ARMH4: variants seen among roughly 807,000 people sequenced by gnomAD.
The protein encoded by ARMH4 is armadillo like helical domain containing 4.
In ARMH4, 49 loss-of-function variants were observed where a neutral mutation model predicts 61.9. The ratio of observed to expected loss-of-function variants is 0.79; its 90% CI spans 0.63 to 1.00. The LOEUF (loss-of-function observed/expected upper bound fraction) is 1.00, where lower values mean the gene tolerates loss of function less well. Among genes scored for constraint, ARMH4 ranks in the 50% least tolerant of loss-of-function variants. The pLI is 0.00. For synonymous variants in ARMH4, 368 were observed against 341.5 expected (o/e 1.08, Z -0.85); for missense variants, 934 against 930.0 (o/e 1.00, Z -0.06).
chr14:58,098,444 C>T (rs774533844), intron 4 of ARMH4, among the ~76,000 whole-genome samples: 26 of 152,166 alleles, frequency 1.7e-4, no homozygotes, highest in Non-Finnish European at 3.4e-4. Context: ...CAAACAGATA[C>T]ACCAATAGGC....
intron 4 of ARMH4, among the ~76,000 whole-genome samples, chr14:58,124,083 G>T (rs561201758): frequency 6.6e-6 from 1 of 152,100 alleles, no homozygotes; most frequent in Non-Finnish European, 1.5e-5. Context: ...AGGGTTCCTT[G>T]GCATAACAGG....
intron 5 of ARMH4, among the ~76,000 whole-genome samples, chr14:58,015,987 C>G (rs1378542440): frequency 1.3e-5 from 2 of 151,390 alleles, no homozygotes; most frequent in African/African-American, 4.9e-5. Flanking sequence ...AGACAAACAT[C>G]ACAGTAATTA....
chr14:58,076,487 A>C (rs1486911176), intron 5 of ARMH4, among the ~76,000 whole-genome samples: 6 of 152,260 alleles, frequency 3.9e-5, no homozygotes, highest in African/African-American at 1.4e-4. Flanking sequence ...AATCAAAAGA[A>C]GAAAACAGAG....
intron 5 of ARMH4, among the ~76,000 whole-genome samples, chr14:58,064,131 C>A (rs178498): frequency 0.62 from 94,513 of 151,712 alleles, 31,125 homozygotes; most frequent in African/African-American, 0.84. Flanking sequence ...TTCCAACACA[C>A]GATTATCATA....
chr14:58,133,260 G>A lies in ARMH4; in HGVS notation c.1451C>T (p.Thr484Ile). Residue 484 changes from threonine (T) to isoleucine (I), a missense_variant, in exon 3 of 8, where the codon ACC (threonine) becomes ATC (isoleucine). Coordinates refer to ENST00000267485, the MANE Select transcript of ARMH4 (RefSeq NM_001001872.4). ...LSMVTQEQVATLELIRDSGKT... is the reference protein window; with the variant it reads ...LSMVTQEQVAILELIRDSGKT... ...GCCACTGTCTCTGATAAGCTCGAGG[G>A]TAGCAACCTGCTCTTGTGTCACCAT... 6.2e-7 allele frequency: 1 copy of A among 1,614,102 alleles called. No individual in the cohort carries two copies. The highest frequency in any genetic ancestry group is 1.7e-5 in the Admixed American group (1 of 59,996).
At chr14:58,067,566 T>A (rs1884744011) in intron 5 of ARMH4, among the ~76,000 whole-genome samples, 1 of 152,248 alleles carries the variant, frequency 6.6e-6, no homozygotes, top group Non-Finnish European at 1.5e-5. Context: ...TGCATCATTC[T>A]GTGGCTTCCA....
At chr14:58,133,917 G>A (rs1887215344) in intron 2 of ARMH4, among the ~76,000 whole-genome samples, 1 of 152,174 alleles carries the variant, frequency 6.6e-6, no homozygotes, top group South Asian at 2.1e-4. Flanking sequence ...TCATTCCACA[G>A]AAGCTGCATC....
At chr14:58,100,614 G>A (rs897351737) in intron 4 of ARMH4, among the ~76,000 whole-genome samples, 2 of 152,132 alleles carry the variant, frequency 1.3e-5, no homozygotes, top group African/African-American at 2.4e-5. Flanking sequence ...TGGAAATTTA[G>A]GTTATTAGGA....
At chr14:58,047,668 G>A (rs1407582796) in intron 5 of ARMH4, among the ~76,000 whole-genome samples, 5 of 152,180 alleles carry the variant, frequency 3.3e-5, no homozygotes, top group Non-Finnish European at 7.3e-5. Flanking sequence ...TTCAGATGAG[G>A]TAGTCACAAT....
At chr14:58,015,769 A>AG (rs34167809) in intron 5 of ARMH4, among the ~76,000 whole-genome samples, 4,546 of 149,778 alleles carry the variant, frequency 0.03, 206 homozygotes, top group African/African-American at 0.1. Context: ...AAAAAAAAAA[A>AG]AAGATGATGG....
chr14:58,081,956 A>G (rs1885242610), intron 5 of ARMH4, among the ~76,000 whole-genome samples: 1 of 151,996 alleles, frequency 6.6e-6, no homozygotes, highest in Non-Finnish European at 1.5e-5. Flanking sequence ...AAAAAAAAAA[A>G]CCTTAGATGC....
chr14:58,081,100 T>TATAAATAAATAA (rs59178433), intron 5 of ARMH4, among the ~76,000 whole-genome samples: 11,767 of 148,234 alleles, frequency 0.079, 524 homozygotes, highest in Middle Eastern at 0.12. Flanking sequence ...AGACTCTGTC[T>TATAAATAAATAA]ATAAATAAAT....
chr14:58,075,623 G>A (rs1017495543), intron 5 of ARMH4, among the ~76,000 whole-genome samples: 2 of 151,972 alleles, frequency 1.3e-5, no homozygotes, highest in African/African-American at 4.8e-5. Flanking sequence ...ACTAGGGGAG[G>A]GATAGCATTA....
At chr14:58,056,565 A>G (rs1484205966) in intron 5 of ARMH4, among the ~76,000 whole-genome samples, 2 of 152,226 alleles carry the variant, frequency 1.3e-5, no homozygotes, top group Non-Finnish European at 2.9e-5. Flanking sequence ...TACAGCTAGA[A>G]GAAATCTTGG....
Position 58,138,060 on chromosome 14 carries a change from G to T in ARMH4, c.1299C>A (p.Phe433Leu), listed in dbSNP as rs566768348. The T allele has an allele frequency of 2.5e-5, 40 of 1,614,014 alleles. 1 individual carries two copies. Among genetic ancestry groups the T allele is most frequent in the South Asian group, 1.8e-4 (16 of 91,084 alleles). Residue 433 changes from phenylalanine to leucine, a missense_variant, in exon 2 of 8, where the codon TTC becomes TTA. Coordinates refer to ENST00000267485, the MANE Select transcript of ARMH4 (RefSeq NM_001001872.4). ...ESTKENDALFFLETTVSVSVY... is the reference protein window; with the variant it reads ...ESTKENDALFLLETTVSVSVY... ...CAGAGACAGAAACAGTGGTTTCTAAGAAAAACAGGGCATCGTTTTCCTTGG... is the reference window on the plus strand; with the variant it reads ...CAGAGACAGAAACAGTGGTTTCTAATAAAAACAGGGCATCGTTTTCCTTGG...
chr14:58,012,241 T>C lies in ARMH4; in HGVS notation c.2090-91A>G, dbSNP rs2141134056. ...TAATTTGACAAATTAAAGAGTTTTT[T>C]GTATTAAATACAGTAAAAGGATTAA... is the stretch of plus-strand genomic sequence containing the variant. On this transcript the variant is annotated intron_variant, in intron 5 of 7. Coordinates refer to ENST00000267485, the MANE Select transcript of ARMH4 (RefSeq NM_001001872.4). The C allele has an allele frequency of 4.2e-6, 3 of 709,972 alleles. No individual in the cohort carries two copies. In the East Asian group the frequency reaches 9.2e-5, roughly 22 times the overall value. The allele number at this position is 709,972 out of a possible 1,614,324, so 44.0% of individuals were successfully genotyped here.
chr14:58,049,042 C>A (rs1165720742), intron 5 of ARMH4, among the ~76,000 whole-genome samples: 1 of 151,976 alleles, frequency 6.6e-6, no homozygotes, highest in Non-Finnish European at 1.5e-5. Context: ...TCGAGACCAT[C>A]CTGGCTAACA....
intron 5 of ARMH4, among the ~76,000 whole-genome samples, chr14:58,050,379 A>T (rs541529047): frequency 1.3e-5 from 2 of 152,216 alleles, no homozygotes; most frequent in Admixed American, 6.5e-5. Flanking sequence ...TCAAAGCCCT[A>T]TCCTTACACT....
chr14:58,081,399 G>A (rs560545110), intron 5 of ARMH4, among the ~76,000 whole-genome samples: 175 of 152,232 alleles, frequency 1.1e-3, no homozygotes, highest in African/African-American at 3.4e-3. Flanking sequence ...TGTACAAAAT[G>A]AGTAAAACAA....
Sources: gnomAD v4.1 joint callset for allele counts (sites outside exome capture counted in the v4.1 genomes callset) on GRCh38, gnomAD v4.1.1 for gene constraint, MANE v1.5 for transcripts, NCBI Gene and HGNC (gene_info 2026-07-23, HGNC 2026-07-21) for gene names.